DMD: variants seen among roughly 807,000 people sequenced by gnomAD.
DMD encodes mutant dystrophin.
DMD carries 63 observed loss-of-function variants against 330.1 expected under a neutral mutation model. The ratio of observed to expected loss-of-function variants is 0.19; its 90% CI spans 0.16 to 0.24. The LOEUF is 0.24. Among genes scored for constraint, DMD ranks in the 10% least tolerant of loss-of-function variants. The pLI is 1.00. For missense variants in DMD, 3,344 were observed against 2,684.1 expected, an observed-to-expected ratio of 1.25 and a Z score of -5.43; for synonymous variants, 1,223 against 959.8, an observed-to-expected ratio of 1.27 and a Z score of -5.07.
At chrX:31,643,689 A>G (rs768640452) in intron 54 of DMD, among the ~76,000 whole-genome samples, 6 of 112,094 alleles carry the variant, frequency 5.4e-5, no homozygotes, top group African/African-American at 1.9e-4. Context: ...TTAGTTCATC[A>G]ATGCAGTGAA....
chrX:31,582,893 C>T (rs1044644365), intron 55 of DMD, among the ~76,000 whole-genome samples: 1 of 111,797 alleles, frequency 8.9e-6, no homozygotes, highest in African/African-American at 3.3e-5. Context: ...TAGACATATG[C>T]ATAAAAGAGA....
At chrX:31,458,348 T>C (rs189492063) in intron 59 of DMD, among the ~76,000 whole-genome samples, 200 of 110,733 alleles carry the variant, frequency 1.8e-3, no homozygotes, top group African/African-American at 6.5e-3. Flanking sequence ...ATTTTTATGA[T>C]CACATCTTAA....
intron 63 of DMD, among the ~76,000 whole-genome samples, chrX:31,251,087 A>G (rs6631283): frequency 9.2e-6 from 1 of 108,854 alleles, no homozygotes; most frequent in African/African-American, 3.3e-5. Context: ...TCTCAAAAAA[A>G]CAAAAAAAAA....
chrX:32,967,356 T>C (rs1293200563), intron 2 of DMD, among the ~76,000 whole-genome samples: 3 of 111,649 alleles, frequency 2.7e-5, no homozygotes, highest in African/African-American at 3.3e-5. Flanking sequence ...AGAAGTGAGA[T>C]AGAGAAGAAA....
intron 44 of DMD, among the ~76,000 whole-genome samples, chrX:32,024,466 G>A (rs1603620831): frequency 1.2e-5 from 1 of 80,408 alleles, no homozygotes; most frequent in African/African-American, 5.3e-5. Context: ...CAGCCTGGGC[G>A]AAAGAGCGAA....
In DMD at chrX:31,415,070, G is replaced by T. The variant is rs990361966; in HGVS notation, c.9084+29411C>A. 2.7e-5 allele frequency among the ~76,000 whole-genome samples: 3 copies of T among 112,187 alleles called. No homozygotes were observed. In the Admixed American group the frequency reaches 2.8e-4, roughly 11 times the overall value. On this transcript the variant is annotated intron_variant, in intron 60 of 78. Coordinates refer to ENST00000357033, the MANE Select transcript of DMD (RefSeq NM_004006.3). ...CGGCTCAGAAAGGCACTCTTTAAGAGAAACAGTTTGGAATTCAGGCTTCCT... is the reference window on the plus strand; with the variant it reads ...CGGCTCAGAAAGGCACTCTTTAAGATAAACAGTTTGGAATTCAGGCTTCCT...
At chrX:31,511,853 AT>A (rs1455926309) in intron 55 of DMD, among the ~76,000 whole-genome samples, 3 of 102,847 alleles carry the variant, frequency 2.9e-5, no homozygotes, top group Non-Finnish European at 4.0e-5. Flanking sequence ...ATACCCAGTA[AT>A]GGGATGGCTG....
At chrX:32,154,181 C>T (rs949482600) in intron 44 of DMD, among the ~76,000 whole-genome samples, 4 of 112,036 alleles carry the variant, frequency 3.6e-5, no homozygotes, top group Non-Finnish European at 7.5e-5. Flanking sequence ...ATAAGTGATG[C>T]ATTTACTTCA....
intron 2 of DMD, among the ~76,000 whole-genome samples, chrX:32,881,902 T>C (rs950032294): frequency 1.4e-4 from 16 of 111,293 alleles, no homozygotes; most frequent in Admixed American, 1.2e-3. Context: ...TAGGGAGCAA[T>C]AGAGGGAGAC....
intron 1 of DMD, among the ~76,000 whole-genome samples, chrX:33,181,471 A>G (rs1179719220): frequency 8.9e-6 from 1 of 111,778 alleles, no homozygotes; most frequent in Non-Finnish European, 1.9e-5. Context: ...ATTGTAGGTA[A>G]TCACTGAGCT....
intron 30 of DMD, among the ~76,000 whole-genome samples, chrX:32,394,586 G>T (rs180700238): frequency 9.0e-6 from 1 of 111,365 alleles, no homozygotes; most frequent in South Asian, 3.7e-4. Flanking sequence ...AGTTATCAGC[G>T]ATATAACATG....
intron 55 of DMD, among the ~76,000 whole-genome samples, chrX:31,525,065 C>T (rs778329106): frequency 2.7e-5 from 3 of 111,968 alleles, no homozygotes; most frequent in South Asian, 7.4e-4. Flanking sequence ...TACCCAGATC[C>T]TGACTCATAG....
chrX:31,843,804 G>A (rs1209137529), intron 48 of DMD, among the ~76,000 whole-genome samples: 1 of 79,076 alleles, frequency 1.3e-5, no homozygotes, highest in African/African-American at 6.1e-5. Context: ...GTCCAGAATA[G>A]TATTTCCTAG....
Position 32,522,372 on chromosome X carries a change from C to T in DMD, c.2169-4241G>A, listed in dbSNP as rs139305988. On this transcript the variant is annotated intron_variant, in intron 17 of 78. Transcript: ENST00000357033. ...TATCATTTCTATCTTTTTTAATTGACGCATAATAGATGTACTTAGATTGGG... is the reference window on the plus strand; with the variant it reads ...TATCATTTCTATCTTTTTTAATTGATGCATAATAGATGTACTTAGATTGGG... 4.0e-3 allele frequency among the ~76,000 whole-genome samples: 445 copies of T among 111,283 alleles called. 1 individual carries two copies. Among genetic ancestry groups the T allele is most frequent in the African/African-American group, 0.012 (353 of 30,616 alleles).
intron 44 of DMD, among the ~76,000 whole-genome samples, chrX:32,001,203 A>G (rs146064147): frequency 0.038 from 4,180 of 111,215 alleles, 81 homozygotes; most frequent in Non-Finnish European, 0.06. Flanking sequence ...GTAGGACTGC[A>G]TATGTTTGTC....
At chrX:31,323,798 T>TA (rs1160794486) in intron 61 of DMD, 140 bp from the exon 62 acceptor site, 18 of 566,192 alleles carry the variant, frequency 3.2e-5, no homozygotes, top group African/African-American at 2.7e-4. Flanking sequence ...CAGGATGGAT[T>TA]AACCTGCTGT....
At chrX:32,942,309 G>A (rs1462682782) in intron 2 of DMD, among the ~76,000 whole-genome samples, 5 of 112,161 alleles carry the variant, frequency 4.5e-5, no homozygotes, top group Non-Finnish European at 7.5e-5. Context: ...TTGGGAGGCC[G>A]AGGCGGGTGG....
chrX:32,711,657 G>A (rs184607377), intron 7 of DMD, among the ~76,000 whole-genome samples: 8 of 111,937 alleles, frequency 7.1e-5, no homozygotes, highest in East Asian at 2.8e-4. Context: ...CAGTACAGAC[G>A]CATTTAAAGT....
chrX:32,458,516 G>C (rs754252545), intron 25 of DMD, among the ~76,000 whole-genome samples: 1 of 111,106 alleles, frequency 9.0e-6, no homozygotes, highest in Non-Finnish European at 1.9e-5. Context: ...ATCCAGAAGC[G>C]GGATTGGTGA....
Sources: gnomAD v4.1 joint callset for allele counts (sites outside exome capture counted in the v4.1 genomes callset) on GRCh38, gnomAD v4.1.1 for gene constraint, MANE v1.5 for transcripts, NCBI Gene and HGNC (gene_info 2026-07-23, HGNC 2026-07-21) for gene names.